The following PIAS2 variants were observed in gnomAD, a reference collection of about 807,000 sequenced individuals.
PIAS2 encodes protein inhibitor of activated STAT 2.
Under a neutral mutation model 69.7 loss-of-function variants are expected in PIAS2, and 19 were observed. The ratio of observed to expected loss-of-function variants is 0.27; its 90% confidence interval spans 0.19 to 0.40. PIAS2 has a LOEUF of 0.40. PIAS2 is among the 10% of genes least tolerant of loss of function. The probability of loss-of-function intolerance (pLI) is 1.00; values close to 1 mark genes in which losing one functional copy is unlikely to be tolerated. For synonymous variants in PIAS2, 261 were observed against 263.2 expected (o/e 0.99, Z 0.08); for missense variants, 624 against 757.0 (o/e 0.82, Z 2.06).
intron 11 of PIAS2, among the ~76,000 whole-genome samples, chr18:46,824,886 G>A (rs1044438782): frequency 6.6e-6 from 1 of 150,812 alleles, no homozygotes; most frequent in Non-Finnish European, 1.5e-5. Flanking sequence ...GGTAGTTCCA[G>A]CTACTTGGAG....
chr18:46,850,527 T>C (rs1416678685), intron 5 of PIAS2, among the ~76,000 whole-genome samples: 1 of 152,056 alleles, frequency 6.6e-6, no homozygotes. Context: ...TTAAAGCCAG[T>C]CATTAGTTGT....
chr18:46,815,364 C>T lies in PIAS2; in HGVS notation c.1649-15G>A, dbSNP rs1177352038. On this transcript the variant is annotated splice_polypyrimidine_tract_variant and intron_variant, in intron 12 of 13. Transcript: ENST00000585916. ...AAAATCCAAACCTAAAACAAAAATG[C>T]TTTGTTAATAGTTGTCTCATATTTT... 5 of 1,610,502 alleles carry T rather than the reference C, an allele frequency of 3.1e-6. No individual in the cohort carries two copies. The highest frequency in any genetic ancestry group is 2.7e-5 in the African/African-American group (2 of 74,754).
At chr18:46,893,040 C>G (rs2054304217) in intron 1 of PIAS2, among the ~76,000 whole-genome samples, 1 of 152,120 alleles carries the variant, frequency 6.6e-6, no homozygotes, top group Non-Finnish European at 1.5e-5. Flanking sequence ...AGCTCTAAAT[C>G]ATACTCTAAT....
At chr18:46,907,196 C>T (rs1369822296) in intron 1 of PIAS2, among the ~76,000 whole-genome samples, 1 of 152,062 alleles carries the variant, frequency 6.6e-6, no homozygotes, top group African/African-American at 2.4e-5. Context: ...AGATGGTTTC[C>T]AAGATGTATA....
At chr18:46,889,207 A>G (rs2053675149) in intron 2 of PIAS2, among the ~76,000 whole-genome samples, 1 of 152,274 alleles carries the variant, frequency 6.6e-6, no homozygotes. Context: ...CCAAAGGCAT[A>G]GGCAACAACA....
upstream of PIAS2, among the ~76,000 whole-genome samples, chr18:46,919,205 G>A (rs2058365448): frequency 6.6e-6 from 1 of 151,776 alleles, no homozygotes; most frequent in African/African-American, 2.4e-5. Context: ...ACAAAAATTA[G>A]GCCAGGAGCT....
intron 12 of PIAS2, chr18:46,816,938 A>G: frequency 4.3e-6 from 4 of 935,906 alleles, no homozygotes; most frequent in Non-Finnish European, 5.1e-6. Flanking sequence ...AATAATATTC[A>G]ATAAATCCTC....
intron 5 of PIAS2, among the ~76,000 whole-genome samples, chr18:46,851,275 G>A (rs1210608358): frequency 6.6e-6 from 1 of 152,222 alleles, no homozygotes; most frequent in Non-Finnish European, 1.5e-5. Context: ...GCTGCCAGCT[G>A]AATTACAGCA....
At chr18:46,834,163 G>A (rs561728945) in intron 9 of PIAS2, among the ~76,000 whole-genome samples, 2 of 151,898 alleles carry the variant, frequency 1.3e-5, no homozygotes, top group Admixed American at 6.6e-5. Context: ...CTGCACAACT[G>A]GAAAAAGGAA....
intron 13 of PIAS2, among the ~76,000 whole-genome samples, chr18:46,814,894 T>C (rs1193856180): frequency 6.6e-6 from 1 of 152,190 alleles, no homozygotes; most frequent in African/African-American, 2.4e-5. Context: ...TGAATGTCTT[T>C]AAAAACAATG....
At chr18:46,904,230 T>C (rs748015863) in intron 1 of PIAS2, 7 of 152,162 alleles carry the variant, frequency 4.6e-5, no homozygotes, top group Admixed American at 1.3e-4. Context: ...AGAGAGAGTA[T>C]ACAGAATGTC....
intron 1 of PIAS2, among the ~76,000 whole-genome samples, chr18:46,906,780 G>GC (rs2056665110): frequency 6.9e-6 from 1 of 144,630 alleles, no homozygotes; most frequent in African/African-American, 2.5e-5. Flanking sequence ...GTGTGGGGGG[G>GC]GGGGGAGGTG....
intron 3 of PIAS2, among the ~76,000 whole-genome samples, chr18:46,862,992 C>T (rs1300512299): frequency 6.6e-6 from 1 of 152,182 alleles, no homozygotes; most frequent in Admixed American, 6.5e-5. Context: ...AAGCATGAGC[C>T]ACCACGCCCA....
chr18:46,821,039 C>A lies in PIAS2; in HGVS notation c.1542G>T (p.Val514=). ...VLMYQPSSVR[V]PSVTSVDPAA... ...CAGGATCAACCGAAGTCACACTGGG[C>A]ACCCTTACAGAAGATGGCTGATACA... Residue 514 remains valine (V), a synonymous_variant, in exon 12 of 14, where the codon GTG becomes GTT. Coordinates refer to ENST00000585916, the MANE Select transcript of PIAS2 (RefSeq NM_004671.5). The A allele has an allele frequency of 2.5e-6, 4 of 1,613,528 alleles. No individual in the cohort carries two copies. Among genetic ancestry groups the A allele is most frequent in the Non-Finnish European group, 3.4e-6 (4 of 1,179,600 alleles).
chr18:46,864,723 T>C (rs537351177), intron 2 of PIAS2, among the ~76,000 whole-genome samples: 19 of 151,142 alleles, frequency 1.3e-4, no homozygotes, highest in African/African-American at 4.4e-4. Flanking sequence ...TGAGCCAAGA[T>C]TGCACCATTG....
intron 2 of PIAS2, among the ~76,000 whole-genome samples, chr18:46,865,029 C>G (rs1421921358): frequency 6.6e-6 from 1 of 152,026 alleles, no homozygotes; most frequent in Non-Finnish European, 1.5e-5. Flanking sequence ...ACCTAATTTG[C>G]ATATGAAAGT....
chr18:46,852,894 G>A (rs141608391), intron 5 of PIAS2: 24 of 152,378 alleles, frequency 1.6e-4, no homozygotes, highest in African/African-American at 5.3e-4. Flanking sequence ...CCTTCAAGGT[G>A]AGTCCACAGA....
chr18:46,848,718 A>G (rs1458943467), intron 5 of PIAS2, among the ~76,000 whole-genome samples: 1 of 152,092 alleles, frequency 6.6e-6, no homozygotes, highest in African/African-American at 2.4e-5. Flanking sequence ...AGACAAAGAG[A>G]AGAACTTCAA....
At chr18:46,876,178 T>C (rs1368990157) in intron 2 of PIAS2, among the ~76,000 whole-genome samples, 3 of 152,212 alleles carry the variant, frequency 2.0e-5, no homozygotes, top group African/African-American at 4.8e-5. Flanking sequence ...TCTGATCCAA[T>C]TGGCCATCCC....
Sources: allele counts gnomAD v4.1 joint callset (sites outside exome capture counted in the v4.1 genomes callset), GRCh38; gene constraint gnomAD v4.1.1; transcripts MANE v1.5; gene names NCBI Gene and HGNC (gene_info 2026-07-23, HGNC 2026-07-21).